The following PALM2AKAP2 variants were observed in gnomAD, a reference collection of about 807,000 sequenced individuals.
The protein encoded by PALM2AKAP2 is PALM2 and AKAP2 fusion, also known as PALM2-AKAP2 fusion protein.
In PALM2AKAP2, 37 loss-of-function variants were observed where a neutral mutation model predicts 71.5. The observed-to-expected ratio is 0.52, with a 90% confidence interval of 0.40 to 0.68. PALM2AKAP2 has a LOEUF of 0.68. Ranked by LOEUF, PALM2AKAP2 falls within the 30% of genes least tolerant of loss-of-function variation. The probability of loss-of-function intolerance (pLI) is 0.00; values close to 1 mark genes in which losing one functional copy is unlikely to be tolerated. For synonymous variants in PALM2AKAP2, 468 were observed against 478.8 expected (o/e 0.98, Z 0.29); for missense variants, 1,224 against 1,191.8 (o/e 1.03, Z -0.40).
intron 1 of PALM2AKAP2, among the ~76,000 whole-genome samples, chr9:109,862,378 A>G (rs189004180): frequency 6.6e-6 from 1 of 151,960 alleles, no homozygotes; most frequent in Admixed American, 6.6e-5. Flanking sequence ...TTCTCTTTCA[A>G]CTCTGCCTCC....
chr9:109,878,973 G>T (rs546667308), intron 2 of PALM2AKAP2, among the ~76,000 whole-genome samples: 1 of 152,336 alleles, frequency 6.6e-6, no homozygotes, highest in South Asian at 2.1e-4. Context: ...CTGACCTCAG[G>T]TGATACGCCT....
At chr9:109,919,113 TAGTC>T (rs745532642) in intron 3 of PALM2AKAP2, among the ~76,000 whole-genome samples, 1 of 152,258 alleles carries the variant, frequency 6.6e-6, no homozygotes, top group Non-Finnish European at 1.5e-5. Context: ...TTTTCGGTTT[TAGTC>T]AGCCATTTTT....
intron 6 of PALM2AKAP2, among the ~76,000 whole-genome samples, chr9:109,995,661 G>A (rs920389817): frequency 4.6e-5 from 7 of 152,254 alleles, no homozygotes. Flanking sequence ...TCACTGTCAT[G>A]CAAACAGCAT....
rs866228383 is a variant in PALM2AKAP2, at chr9:110,135,164, A to T, written c.157-963A>T. Among the ~76,000 whole-genome samples the T allele has an allele frequency of 4.9e-3, 252 of 51,702 alleles. 38 individuals are homozygous for T. The highest frequency in any genetic ancestry group is 0.021 in the Middle Eastern group (2 of 96). The allele number at this position is 51,702 out of a possible 152,430, so 33.9% of individuals were successfully genotyped here. A position where few individuals can be genotyped will look rare whatever the true frequency, so the allele number is the denominator to read the frequency against. On this transcript the variant is annotated intron_variant, in intron 1 of 3. Transcript: ENST00000374525. Reference sequence around the variant, plus strand: ...AACTCTGTCTCTACAAAAAAAAAAAAATATATAAATATATATATATATATA... The same window carrying T: ...AACTCTGTCTCTACAAAAAAAAAAATATATATAAATATATATATATATATA...
intron 1 of PALM2AKAP2, 157 bp from the exon 2 acceptor site, chr9:109,867,334 C>A: frequency 1.4e-6 from 1 of 740,270 alleles, no homozygotes; most frequent in South Asian, 1.6e-5. Context: ...GCTTGCAACA[C>A]ACCCAGAGAC....
intron 1 of PALM2AKAP2, among the ~76,000 whole-genome samples, chr9:109,702,126 T>C (rs1377258173): frequency 6.6e-6 from 1 of 152,028 alleles, no homozygotes; most frequent in Non-Finnish European, 1.5e-5. Context: ...AATAGGAACA[T>C]TTTTACAGTG....
chr9:109,743,744 C>G (rs1828755266), intron 1 of PALM2AKAP2, among the ~76,000 whole-genome samples: 1 of 152,146 alleles, frequency 6.6e-6, no homozygotes, highest in Admixed American at 6.5e-5. Context: ...TGTGCAACGT[C>G]TTAATACACA....
chr9:109,646,725 A>G (rs1266742951), intron 1 of PALM2AKAP2, among the ~76,000 whole-genome samples: 3 of 152,238 alleles, frequency 2.0e-5, no homozygotes, highest in Non-Finnish European at 4.4e-5. Context: ...GGTACTTGCG[A>G]TAAATGGTGA....
chr9:109,991,901 A>G (rs556753427), intron 6 of PALM2AKAP2, among the ~76,000 whole-genome samples: 4 of 152,326 alleles, frequency 2.6e-5, no homozygotes, highest in African/African-American at 9.6e-5. Context: ...AGACCATGCT[A>G]GGACCAGTAG....
chr9:109,943,124 T>C (rs986716873), intron 6 of PALM2AKAP2: 15 of 1,614,240 alleles, frequency 9.3e-6, no homozygotes, highest in Non-Finnish European at 1.2e-5. Context: ...CCCGTCACCA[T>C]GATTTTTATG....
At chr9:109,697,569 T>C (rs1176043732) in intron 1 of PALM2AKAP2, among the ~76,000 whole-genome samples, 2 of 152,224 alleles carry the variant, frequency 1.3e-5, no homozygotes, top group African/African-American at 4.8e-5. Context: ...ATTAGTAGTA[T>C]CAAATATCTT....
At chr9:109,907,462 T>C (rs1830474595) in intron 3 of PALM2AKAP2, among the ~76,000 whole-genome samples, 1 of 152,200 alleles carries the variant, frequency 6.6e-6, no homozygotes, top group African/African-American at 2.4e-5. Context: ...GCCTCTATTT[T>C]CATTTCAGGC....
chr9:110,122,778 G>A (rs1228781936), intron 1 of PALM2AKAP2, among the ~76,000 whole-genome samples: 2 of 152,184 alleles, frequency 1.3e-5, no homozygotes, highest in East Asian at 1.9e-4. Flanking sequence ...AGAAACTAAC[G>A]AAATCAGGTT....
intron 3 of PALM2AKAP2, among the ~76,000 whole-genome samples, chr9:110,158,702 A>C (rs1836523479): frequency 6.6e-6 from 1 of 152,232 alleles, no homozygotes; most frequent in African/African-American, 2.4e-5. Context: ...CCAGTAAATA[A>C]ACATTTTGAA....
At chr9:109,807,344 T>G (rs936439789) in intron 1 of PALM2AKAP2, among the ~76,000 whole-genome samples, 9 of 152,226 alleles carry the variant, frequency 5.9e-5, no homozygotes, top group Non-Finnish European at 7.3e-5. Flanking sequence ...GTGGTCAGTG[T>G]CTTAGCCTGT....
intron 1 of PALM2AKAP2, among the ~76,000 whole-genome samples, chr9:109,861,085 G>A (rs1318354372): frequency 1.3e-5 from 2 of 152,228 alleles, no homozygotes; most frequent in African/African-American, 4.8e-5. Context: ...GCTGTGCCCT[G>A]GGGCGCGAGG....
At chr9:110,092,461 C>A (rs945969240) in intron 1 of PALM2AKAP2, among the ~76,000 whole-genome samples, 10 of 152,036 alleles carry the variant, frequency 6.6e-5, no homozygotes, top group Non-Finnish European at 8.8e-5. Flanking sequence ...GTATTATATG[C>A]TTTTTTAAAC....
intron 1 of PALM2AKAP2, among the ~76,000 whole-genome samples, chr9:109,769,422 G>A (rs1047191945): frequency 2.0e-5 from 3 of 152,070 alleles, no homozygotes; most frequent in Non-Finnish European, 4.4e-5. Context: ...ACCTTGGAAG[G>A]GCTGCTTCCT....
intron 6 of PALM2AKAP2, among the ~76,000 whole-genome samples, chr9:109,998,306 C>G (rs892603576): frequency 3.9e-5 from 6 of 152,136 alleles, no homozygotes; most frequent in Non-Finnish European, 8.8e-5. Flanking sequence ...CAACTCAGAG[C>G]CTTGTATCTC....
Sources: allele counts gnomAD v4.1 joint callset (sites outside exome capture counted in the v4.1 genomes callset), GRCh38; gene constraint gnomAD v4.1.1; transcripts MANE v1.5; gene names NCBI Gene and HGNC (gene_info 2026-07-23, HGNC 2026-07-21).